Variants in STAM observed in about 807,000 individuals in gnomAD.
STAM encodes the protein signal transducing adaptor molecule.
STAM carries 16 observed loss-of-function variants against 63.4 expected under a neutral mutation model. The observed-to-expected ratio is 0.25, with a 90% CI of 0.17 to 0.38. The LOEUF (loss-of-function observed/expected upper bound fraction) is 0.38, where lower values mean the gene tolerates loss of function less well. Ranked by LOEUF, STAM falls within the 10% of genes least tolerant of loss-of-function variation. The pLI, the probability that STAM is intolerant of heterozygous loss-of-function variation, is 1.00. For synonymous variants in STAM, 238 were observed against 223.9 expected (o/e 1.06, Z -0.56); for missense variants, 636 against 657.1 (o/e 0.97, Z 0.35).
chr10:17,704,562 G>A, intron 10 of STAM, 44 bp downstream of exon 10: 1 of 1,462,754 alleles, frequency 6.8e-7, no homozygotes, highest in Non-Finnish European at 9.6e-7. Flanking sequence ...GTAGTTAGAG[G>A]TTAATAACTG....
intron 9 of STAM, among the ~76,000 whole-genome samples, chr10:17,700,991 A>AT (rs1554828367): frequency 1.6e-4 from 24 of 152,332 alleles, no homozygotes; most frequent in African/African-American, 5.8e-4. Context: ...AGCTTACGCT[A>AT]ATTTTATATT....
At chr10:17,675,527 G>A (rs1382957874) in intron 2 of STAM, among the ~76,000 whole-genome samples, 4 of 151,298 alleles carry the variant, frequency 2.6e-5, no homozygotes, top group Admixed American at 1.3e-4. Flanking sequence ...AGATAGTAGC[G>A]TTTTCTGAAA....
intron 2 of STAM, among the ~76,000 whole-genome samples, chr10:17,674,145 T>A (rs908897387): frequency 6.6e-6 from 1 of 152,204 alleles, no homozygotes; most frequent in African/African-American, 2.4e-5. Context: ...ATATGTATTA[T>A]GTTTAAGTTA....
chr10:17,661,606 C>CT (rs1243228770), intron 2 of STAM, among the ~76,000 whole-genome samples: 1 of 152,170 alleles, frequency 6.6e-6, no homozygotes, highest in African/African-American at 2.4e-5. Context: ...ACTCCTGTCT[C>CT]TTTTTGTTTT....
intron 1 of STAM, among the ~76,000 whole-genome samples, chr10:17,650,523 A>T (rs1438463556): frequency 6.6e-6 from 1 of 152,164 alleles, no homozygotes; most frequent in Non-Finnish European, 1.5e-5. Flanking sequence ...ACTTGGGAGT[A>T]ATTCTTGACT....
intron 1 of STAM, among the ~76,000 whole-genome samples, chr10:17,650,645 C>G (rs963163737): frequency 3.3e-5 from 5 of 152,204 alleles, no homozygotes; most frequent in Non-Finnish European, 5.9e-5. Context: ...GATCACCACT[C>G]TCTCAGATTA....
At chr10:17,653,841 C>T (rs1833835954) in intron 1 of STAM, among the ~76,000 whole-genome samples, 1 of 152,194 alleles carries the variant, frequency 6.6e-6, no homozygotes, top group African/African-American at 2.4e-5. Context: ...TGGAACCAAT[C>T]TCCCATGTAT....
intron 1 of STAM, among the ~76,000 whole-genome samples, chr10:17,654,214 G>GTTA (rs60228856): frequency 0.17 from 25,089 of 150,776 alleles, 2,486 homozygotes; most frequent in Non-Finnish European, 0.22. Flanking sequence ...AGGTATTATT[G>GTTA]TTATTATTAT....
intron 12 of STAM, 108 bp from the exon 13 acceptor site, chr10:17,708,668 C>T: frequency 8.7e-7 from 1 of 1,144,522 alleles, no homozygotes; most frequent in Non-Finnish European, 1.2e-6. Context: ...AAAAGGATTC[C>T]AGAGTGGTGA....
chr10:17,649,371 C>CAAGA (rs1833646773), intron 1 of STAM, among the ~76,000 whole-genome samples: 2 of 144,056 alleles, frequency 1.4e-5, no homozygotes, highest in Admixed American at 1.4e-4. Flanking sequence ...CTTGCCTGGG[C>CAAGA]AAGAGAGTGA....
rs59585445 is a variant in STAM, at chr10:17,706,369, CTTTTT to C, written c.1209+651_1209+655del. The stretch of plus-strand genomic sequence containing the variant: ...AATCAGAATCCTCAGGGTTGAGGCC[CTTTTT>C]TTTTTTTTTTTTTTTTTTTTTTGAG... On this transcript the variant is annotated intron_variant, in intron 12 of 13. Transcript: ENST00000377524. Among the ~76,000 whole-genome samples, 64 of 70,210 alleles carry C rather than the reference CTTTTT, an allele frequency of 9.1e-4. 1 individual carries two copies. The highest frequency in any genetic ancestry group is 3.6e-3 in the African/African-American group (57 of 16,038). The allele number at this position is 70,210 out of a possible 152,430, so 46.1% of individuals were successfully genotyped here.
At position 17,703,018 on chromosome 10, in the gene STAM, AAAAAAAAAAG is replaced by A. The variant is rs1266262141; in HGVS notation, c.913-1408_913-1399del. On this transcript the variant is annotated intron_variant, in intron 9 of 13. Transcript: ENST00000377524. ...AGTAAGACTCCATCTCAAAAAAAAA[AAAAAAAAAAG>A]AAAAGAAAAGAAAAGAAAAGAAAAT... Among the ~76,000 whole-genome samples, 578 of 121,244 alleles carry A rather than the reference AAAAAAAAAAG, an allele frequency of 4.8e-3. 4 individuals carry two copies. The highest frequency in any genetic ancestry group is 0.016 in the African/African-American group (553 of 34,640). 79.5% of individuals were successfully genotyped at this position (121,244 alleles called of 152,430 possible).
In STAM at chr10:17,644,238, T is replaced by A; in HGVS notation, c.-102T>A. 3 of 1,290,382 alleles carry A rather than the reference T, an allele frequency of 2.3e-6. No individual in the cohort carries two copies. The highest frequency in any genetic ancestry group is 3.3e-6 in the Non-Finnish European group (3 of 895,652). 79.9% of individuals were successfully genotyped at this position (1,290,382 alleles called of 1,614,324 possible). A position where few individuals can be genotyped will look rare whatever the true frequency, so the allele number is the denominator to read the frequency against. ...TGTCGCGGACCCTGTAGAGTCGGTC[T>A]CTGTTGCTCTTTTTGCCTGAGGAGT... On this transcript the variant is annotated 5_prime_UTR_variant, in exon 1 of 14. Transcript: ENST00000377524.
At chr10:17,714,197 CTTTG>C (rs1396408217) in intron 13 of STAM, among the ~76,000 whole-genome samples, 1 of 152,130 alleles carries the variant, frequency 6.6e-6, no homozygotes, top group Non-Finnish European at 1.5e-5. Flanking sequence ...CCGTATTGGG[CTTTG>C]TTTTTGTTCT....
chr10:17,688,894 A>T (rs1835412411), intron 5 of STAM, among the ~76,000 whole-genome samples: 1 of 152,200 alleles, frequency 6.6e-6, no homozygotes, highest in Non-Finnish European at 1.5e-5. Flanking sequence ...AAAGTTAGGG[A>T]TGACTTGAGA....
In STAM at chr10:17,684,692, G is replaced by C; in HGVS notation, c.143G>C (p.Arg48Pro). 3.7e-6 allele frequency: 6 copies of C among 1,612,884 alleles called. No homozygotes were observed. The highest frequency in any genetic ancestry group is 5.1e-6 in the Non-Finnish European group (6 of 1,179,628). ...TTTTTTAGACCTAAGGATTGTCTTC[G>C]GTCTATTATGAGAAGAGTGAACCAC... ...QSRTGPKDCL[R>P]SIMRRVNHKD... The change falls in exon 3 of 14, where the codon CGG becomes CCG. Residue 48 changes from arginine (R) to proline (P), a missense_variant. Physicochemically the swap from Arg to Pro is moderately radical, Grantham distance 103. Transcript: ENST00000377524.
chr10:17,699,768 A>ATTT (rs568977909), intron 8 of STAM, among the ~76,000 whole-genome samples: 3 of 150,276 alleles, frequency 2.0e-5, no homozygotes, highest in Non-Finnish European at 4.4e-5. Flanking sequence ...GTCAAACCAG[A>ATTT]TTTTTTTTTT....
intron 2 of STAM, among the ~76,000 whole-genome samples, chr10:17,683,771 C>T (rs1309100232): frequency 6.6e-6 from 1 of 152,204 alleles, no homozygotes; most frequent in Non-Finnish European, 1.5e-5. Context: ...TCTGCATTCT[C>T]AGTTGACTGA....
intron 2 of STAM, among the ~76,000 whole-genome samples, chr10:17,672,201 G>C (rs1338103446): frequency 1.3e-5 from 2 of 152,094 alleles, no homozygotes; most frequent in African/African-American, 4.8e-5. Flanking sequence ...GCCTAACATT[G>C]AGCTATAGAT....
Sources: gnomAD v4.1 joint callset for allele counts (sites outside exome capture counted in the v4.1 genomes callset) on GRCh38, gnomAD v4.1.1 for gene constraint, MANE v1.5 for transcripts, NCBI Gene and HGNC (gene_info 2026-07-23, HGNC 2026-07-21) for gene names.